TRIM9: variants seen among roughly 807,000 people sequenced by gnomAD.
TRIM9 encodes tripartite motif containing 9.
TRIM9 carries 26 observed loss-of-function variants against 78.3 expected under a neutral mutation model. That is an observed-to-expected ratio of 0.33 (90% CI 0.24 to 0.46). The LOEUF is 0.46. TRIM9 is among the 20% of genes least tolerant of loss of function. TRIM9 has a pLI of 1.00. For synonymous variants in TRIM9, 398 were observed against 416.5 expected (o/e 0.96, Z 0.54); for missense variants, 787 against 1,036.4 (o/e 0.76, Z 3.30).
chr14:51,060,997 C>T (rs2061311837), intron 1 of TRIM9, among the ~76,000 whole-genome samples: 1 of 152,204 alleles, frequency 6.6e-6, no homozygotes, highest in Admixed American at 6.5e-5. Flanking sequence ...AAAATGGCAT[C>T]TTATTATGGC....
chr14:50,976,926 T>C lies in TRIM9; in HGVS notation c.*365A>G. 6.0e-6 allele frequency: 1 copy of C among 166,362 alleles called. No individual in the cohort carries two copies. Among genetic ancestry groups the C allele is most frequent in the Non-Finnish European group, 1.3e-5 (1 of 77,356 alleles). 10.3% of individuals were successfully genotyped at this position (166,362 alleles called of 1,614,324 possible). A position where few individuals can be genotyped will look rare whatever the true frequency, so the allele number is the denominator to read the frequency against. On this transcript the variant is annotated 3_prime_UTR_variant, in exon 13 of 13. Transcript: ENST00000684578. ...TAGCAGGAGAATTTTCTCCTGGCGG[T>C]GCCAGTCCAGTAAGTCACCAATAAC...
intron 1 of TRIM9, among the ~76,000 whole-genome samples, chr14:51,080,680 T>C (rs1011003615): frequency 6.6e-6 from 1 of 152,208 alleles, no homozygotes; most frequent in Admixed American, 6.5e-5. Flanking sequence ...TCAACTGTAG[T>C]GGGTGGCCAC....
At chr14:51,023,808 C>T (rs1302968199) in intron 2 of TRIM9, among the ~76,000 whole-genome samples, 2 of 152,254 alleles carry the variant, frequency 1.3e-5, no homozygotes, top group Middle Eastern at 6.8e-3. Context: ...TAAATACTCA[C>T]ATATACGTTA....
chr14:50,983,236 G>C (rs2052218007), intron 9 of TRIM9, 144 bp downstream of exon 9: 3 of 733,526 alleles, frequency 4.1e-6, no homozygotes, highest in African/African-American at 3.5e-5. Flanking sequence ...CATTTTTTAA[G>C]AGTTTGAGAA....
At chr14:51,038,156 T>G (rs1331802140) in intron 1 of TRIM9, among the ~76,000 whole-genome samples, 3 of 152,156 alleles carry the variant, frequency 2.0e-5, no homozygotes, top group Admixed American at 2.0e-4. Context: ...TTTAATGACA[T>G]GAGTCCTTAA....
chr14:51,093,969 C>A (rs1229925674), intron 1 of TRIM9, 149 bp downstream of exon 1: 2 of 733,384 alleles, frequency 2.7e-6, no homozygotes, highest in Admixed American at 5.5e-5. Flanking sequence ...ATGCCTCCTG[C>A]AATGCACCAG....
chr14:50,982,161 T>C (rs990264753), intron 10 of TRIM9, 58 bp from the exon 11 acceptor site: 28 of 1,583,688 alleles, frequency 1.8e-5, no homozygotes, highest in Middle Eastern at 1.9e-4. Flanking sequence ...CTCAGCACCA[T>C]AACATACTCC....
In TRIM9 at chr14:51,094,839, G is replaced by T; in HGVS notation, c.101C>A (p.Ala34Asp). The T allele has an allele frequency of 6.5e-7, 1 of 1,533,106 alleles. No homozygotes were observed. 95.0% of individuals were successfully genotyped at this position (1,533,106 alleles called of 1,614,324 possible). ...TGGGGTCTGCACCAGGATGTTGCGG[G>T]CGCACGCCTGACACAAATTGTGAGA... is the stretch of plus-strand genomic sequence containing the variant. ...PCSHNLCQAC[A>D]RNILVQTPES... The change falls in exon 1 of 13, where the codon GCC (alanine) becomes GAC (aspartate). Residue 34 changes from alanine to aspartate, a missense_variant. Ala to Asp is a moderately radical substitution (Grantham distance 126). Around this residue, in one of 3 missense-constraint regions of TRIM9, gnomAD observed 352 missense variants for 472.3 expected, o/e 0.75. Coordinates refer to ENST00000684578, the MANE Select transcript of TRIM9 (RefSeq NM_001387360.1).
chr14:51,067,208 G>A (rs1217547445), intron 1 of TRIM9, among the ~76,000 whole-genome samples: 2 of 152,066 alleles, frequency 1.3e-5, no homozygotes, highest in Non-Finnish European at 2.9e-5. Flanking sequence ...AATACATAGT[G>A]CCATTATTTA....
intron 7 of TRIM9, among the ~76,000 whole-genome samples, chr14:50,990,890 A>G (rs1004566551): frequency 2.9e-4 from 44 of 152,228 alleles, no homozygotes; most frequent in African/African-American, 9.7e-4. Flanking sequence ...CAAAGAAATG[A>G]ATGAAGAATG....
chr14:50,996,253 G>C (rs2054193921), intron 7 of TRIM9: 1 of 985,310 alleles, frequency 1.0e-6, no homozygotes, highest in African/African-American at 1.7e-5. Context: ...TTTGTTGGAA[G>C]AGAACTTGTT....
chr14:50,983,109 GACTTGTAC>G (rs1313442696), intron 9 of TRIM9, 144 bp from the exon 10 acceptor site: 8 of 805,260 alleles, frequency 9.9e-6, no homozygotes, highest in Non-Finnish European at 1.6e-5. Context: ...GGTGCTCTCT[GACTTGTAC>G]CTTTACCCAC....
In TRIM9 at chr14:51,094,961, C is replaced by T. The variant is rs377172184; in HGVS notation, c.-22G>A. ...CCATGGGGACCGGTCTGGGAGGAGA[C>T]AGCGACGGCTGCAGCGGGTGCCTGA... On this transcript the variant is annotated 5_prime_UTR_variant, in exon 1 of 13. Coordinates refer to ENST00000684578, the MANE Select transcript of TRIM9 (RefSeq NM_001387360.1). 7.5e-5 allele frequency: 105 copies of T among 1,408,354 alleles called. 2 individuals carry two copies. In the African/African-American group the frequency reaches 1.4e-3, roughly 19 times the overall value. The allele number at this position is 1,408,354 out of a possible 1,614,324, so 87.2% of individuals were successfully genotyped here.
intron 1 of TRIM9, among the ~76,000 whole-genome samples, chr14:51,083,094 T>C (rs1242574124): frequency 6.6e-6 from 1 of 152,230 alleles, no homozygotes; most frequent in Non-Finnish European, 1.5e-5. Context: ...CCTAGACCAC[T>C]ATGTACTTGG....
At chr14:51,010,728 A>G (rs1221645751) in intron 3 of TRIM9, among the ~76,000 whole-genome samples, 1 of 152,210 alleles carries the variant, frequency 6.6e-6, no homozygotes, top group Non-Finnish European at 1.5e-5. Flanking sequence ...GAAGGCAGGT[A>G]GATCTTGGAA....
At chr14:51,059,766 C>T (rs1383068446) in intron 1 of TRIM9, among the ~76,000 whole-genome samples, 1 of 150,206 alleles carries the variant, frequency 6.7e-6, no homozygotes, top group Non-Finnish European at 1.5e-5. Context: ...CCACTGCACT[C>T]CAGCCTGGGT....
At chr14:50,984,850 C>A (rs902448549) in intron 8 of TRIM9, among the ~76,000 whole-genome samples, 2 of 152,092 alleles carry the variant, frequency 1.3e-5, no homozygotes, top group African/African-American at 4.8e-5. Context: ...GTACATTAGA[C>A]ACAAGGGAAA....
chr14:51,061,357 G>A (rs2061339515), intron 1 of TRIM9, among the ~76,000 whole-genome samples: 1 of 146,220 alleles, frequency 6.8e-6, no homozygotes, highest in African/African-American at 2.6e-5. Flanking sequence ...AGGTTGCAGT[G>A]AGCCGAGATC....
chr14:51,076,517 C>T (rs1040152962), intron 1 of TRIM9, among the ~76,000 whole-genome samples: 42 of 152,342 alleles, frequency 2.8e-4, no homozygotes, highest in African/African-American at 9.6e-4. Flanking sequence ...TGTATAGATA[C>T]ACAATCATAG....
Sources: allele counts gnomAD v4.1 joint callset (sites outside exome capture counted in the v4.1 genomes callset), GRCh38; gene constraint gnomAD v4.1.1; regional missense constraint gnomAD v4.1.1; transcripts MANE v1.5; gene names NCBI Gene and HGNC (gene_info 2026-07-23, HGNC 2026-07-21).